ABCB11: variants seen among roughly 807,000 people sequenced by gnomAD.
ABCB11 encodes ATP binding cassette subfamily B member 11, also known as bile salt export pump.
Under a neutral mutation model 148.0 loss-of-function variants are expected in ABCB11, and 95 were observed. The ratio of observed to expected loss-of-function variants is 0.64; its 90% CI spans 0.54 to 0.76. The LOEUF (loss-of-function observed/expected upper bound fraction) is 0.76. Ranked by LOEUF, ABCB11 falls within the 30% of genes least tolerant of loss-of-function variation. The pLI is 0.00. For missense variants in ABCB11, 1,523 were observed against 1,617.8 expected (o/e 0.94, Z 1.01); for synonymous variants, 591 against 555.4 (o/e 1.06, Z -0.90).
At chr2:169,024,276 G>A (rs887845996) in intron 1 of ABCB11, among the ~76,000 whole-genome samples, 13 of 152,074 alleles carry the variant, frequency 8.5e-5, no homozygotes, top group African/African-American at 2.7e-4. Flanking sequence ...AGCAAGCTTG[G>A]GATGGAGGCA....
rs1428729122 is a variant in ABCB11 at position 168,930,870 on chromosome 2, T to A, written c.3214-8A>T. The A allele has an allele frequency of 1.3e-6, 2 of 1,583,140 alleles. No homozygotes were observed. Among genetic ancestry groups the A allele is most frequent in the Non-Finnish European group, 8.6e-7 (1 of 1,165,028 alleles). On this transcript the variant is annotated splice_region_variant and splice_polypyrimidine_tract_variant and intron_variant, in intron 24 of 27. Coordinates refer to ENST00000650372, the MANE Select transcript of ABCB11 (RefSeq NM_003742.4). ...CTTCCCCTGGAAGTTGTCCTGTGGA[T>A]GGGAGGATCAAAATTAGAGATGCTC...
chr2:168,986,255 C>T lies in ABCB11; in HGVS notation c.938G>A (p.Arg313His), dbSNP rs372175341. 3.0e-5 allele frequency: 48 copies of T among 1,612,850 alleles called. No individual in the cohort carries two copies. The highest frequency in any genetic ancestry group is 3.7e-5 in the Non-Finnish European group (44 of 1,179,526). The stretch of plus-strand genomic sequence containing the variant: ...CACTATTCCTTTTCTAATTCCCCAA[C>T]GCTGGGCGAACACAAGATTTTTCTC... ...RYEKNLVFAQ[R>H]WGIRKGIVMG... The change falls in exon 10 of 28, where the codon CGT becomes CAT. Residue 313 changes from arginine to histidine, a missense_variant. Coordinates refer to ENST00000650372, the MANE Select transcript of ABCB11 (RefSeq NM_003742.4).
At chr2:168,965,172 A>C (rs1172397703) in intron 17 of ABCB11, among the ~76,000 whole-genome samples, 1 of 151,816 alleles carries the variant, frequency 6.6e-6, no homozygotes, top group Non-Finnish European at 1.5e-5. Flanking sequence ...TAGACTATAG[A>C]AAAGAGCATT....
intron 23 of ABCB11, 29 bp downstream of exon 23, chr2:168,935,154 CT>C: frequency 6.2e-7 from 1 of 1,611,816 alleles, no homozygotes; most frequent in Non-Finnish European, 8.5e-7. Flanking sequence ...GTGTGTTGAT[CT>C]TTTCTCACCT....
intron 22 of ABCB11, 55 bp from the exon 23 acceptor site, chr2:168,935,480 G>T: frequency 6.4e-7 from 1 of 1,559,022 alleles, no homozygotes; most frequent in Non-Finnish European, 8.7e-7. Context: ...CTCCTTTCGT[G>T]ACATTTCAGT....
intron 21 of ABCB11, among the ~76,000 whole-genome samples, chr2:168,942,938 G>T (rs1052529715): frequency 2.6e-5 from 4 of 151,714 alleles, no homozygotes; most frequent in African/African-American, 9.7e-5. Context: ...AAATATTTTT[G>T]AAATATTTTC....
In ABCB11 at chr2:168,949,314, T is replaced by C. The variant is rs144893520; in HGVS notation, c.2344-4353A>G. ...CACCCATCACCTGAATAGTGAACAT[T>C]GTACCCAATAGGCAATTTTTCAACC... On this transcript the variant is annotated intron_variant, in intron 19 of 27. Coordinates refer to ENST00000650372, the MANE Select transcript of ABCB11 (RefSeq NM_003742.4). Among the ~76,000 whole-genome samples the C allele has an allele frequency of 5.9e-5, 9 of 151,766 alleles. 1 individual carries two copies. In the East Asian group the frequency reaches 1.8e-3, roughly 30 times the overall value.
intron 5 of ABCB11, among the ~76,000 whole-genome samples, chr2:169,004,642 T>C (rs975125420): frequency 6.6e-6 from 1 of 152,234 alleles, no homozygotes; most frequent in Admixed American, 6.5e-5. Flanking sequence ...ATTAGCTTAA[T>C]AATCAACCTT....
At chr2:168,926,878 A>G (rs1027204559) in intron 26 of ABCB11, among the ~76,000 whole-genome samples, 1 of 152,168 alleles carries the variant, frequency 6.6e-6, no homozygotes. Flanking sequence ...TTTCTTATCT[A>G]CTTTATACAC....
At chr2:169,026,387 G>A (rs1220105684) in intron 1 of ABCB11, among the ~76,000 whole-genome samples, 1 of 152,188 alleles carries the variant, frequency 6.6e-6, no homozygotes, top group Non-Finnish European at 1.5e-5. Flanking sequence ...TGTTCAGTCA[G>A]AAATGGAAGC....
chr2:168,996,819 T>TA (rs1694733214), intron 5 of ABCB11, 97 bp from the exon 6 acceptor site: 1 of 299,762 alleles, frequency 3.3e-6, no homozygotes, highest in South Asian at 1.1e-4. Flanking sequence ...AATATATATA[T>TA]TTTAAATATA....
intron 25 of ABCB11, among the ~76,000 whole-genome samples, chr2:168,929,021 C>G (rs181759878): frequency 6.6e-6 from 1 of 152,030 alleles, no homozygotes; most frequent in Admixed American, 6.6e-5. Flanking sequence ...TAGCATTTCT[C>G]TTCATAATGT....
intron 1 of ABCB11, among the ~76,000 whole-genome samples, chr2:169,023,143 T>G (rs906018261): frequency 6.6e-6 from 1 of 152,186 alleles, no homozygotes; most frequent in African/African-American, 2.4e-5. Flanking sequence ...TGACTTTGGA[T>G]AGCAATTTGG....
At chr2:168,938,460 A>AT (rs1691923711) in intron 21 of ABCB11, among the ~76,000 whole-genome samples, 1 of 152,202 alleles carries the variant, frequency 6.6e-6, no homozygotes, top group African/African-American at 2.4e-5. Flanking sequence ...GATGAGGTAC[A>AT]TAGAGTAGTC....
At chr2:168,937,705 A>G (rs1026468843) in intron 21 of ABCB11, among the ~76,000 whole-genome samples, 3 of 152,190 alleles carry the variant, frequency 2.0e-5, no homozygotes, top group African/African-American at 7.2e-5. Flanking sequence ...CTCTATAATT[A>G]TATTTTTGAA....
rs761238750 is a variant in ABCB11 at position 168,976,950 on chromosome 2, G to A, written c.1198-263C>T. On this transcript the variant is annotated intron_variant, in intron 11 of 27. Coordinates refer to ENST00000650372, the MANE Select transcript of ABCB11 (RefSeq NM_003742.4). ...CGCCAAAGATGTGTACTCATTAAAC[G>A]TTTATTAATAATAGTGAGAATAATC... Among the ~76,000 whole-genome samples the A allele has an allele frequency of 8.9e-4, 134 of 150,240 alleles. 1 individual carries two copies. The highest frequency in any genetic ancestry group is 1.6e-3 in the Non-Finnish European group (106 of 67,620).
intron 19 of ABCB11, among the ~76,000 whole-genome samples, chr2:168,949,619 T>C (rs1692471813): frequency 6.6e-6 from 1 of 151,710 alleles, no homozygotes; most frequent in Admixed American, 6.6e-5. Flanking sequence ...AGATTGATTC[T>C]GTGTCTTTGC....
chr2:168,996,521 G>T, intron 6 of ABCB11, 114 bp downstream of exon 6: 1 of 501,776 alleles, frequency 2.0e-6, no homozygotes, highest in Non-Finnish European at 3.3e-6. Flanking sequence ...TCTGGAAACA[G>T]ACTGTAGTTC....
intron 21 of ABCB11, among the ~76,000 whole-genome samples, chr2:168,944,153 C>T (rs891566904): frequency 1.3e-5 from 2 of 152,010 alleles, no homozygotes; most frequent in African/African-American, 4.8e-5. Context: ...TCGTTTATTT[C>T]TTTCCCTCAG....
Sources: gnomAD v4.1 joint callset for allele counts (sites outside exome capture counted in the v4.1 genomes callset) on GRCh38, gnomAD v4.1.1 for gene constraint, MANE v1.5 for transcripts, NCBI Gene and HGNC (gene_info 2026-07-23, HGNC 2026-07-21) for gene names.